SERTAD1: variants seen among roughly 807,000 people sequenced by gnomAD.
SERTAD1 encodes the protein SERTA domain containing 1.
SERTAD1 carries 5 observed loss-of-function variants against 11.7 expected under a neutral mutation model. The observed-to-expected ratio is 0.43, with a 90% CI of 0.22 to 0.90. SERTAD1 has a LOEUF of 0.90. Among genes scored for constraint, SERTAD1 ranks in the 40% least tolerant of loss-of-function variants. The probability of loss-of-function intolerance (pLI) is 0.27; values close to 1 mark genes in which losing one functional copy is unlikely to be tolerated. For synonymous variants in SERTAD1, 139 were observed against 141.4 expected (o/e 0.98, Z 0.12); for missense variants, 287 against 313.9 (o/e 0.91, Z 0.65).
In SERTAD1 at chr19:40,422,585, G is replaced by A; in HGVS notation, c.*251C>T. ...TCAGAGAAGGAACAGCCCAAGCTAT[G>A]ACCCCAGGGCCAGGGAATTCAGTCC... is the stretch of plus-strand genomic sequence containing the variant. On this transcript the variant is annotated 3_prime_UTR_variant, in exon 2 of 2. Transcript: ENST00000357949. The A allele has an allele frequency of 2.2e-6, 1 of 451,948 alleles. No homozygotes were observed. Among genetic ancestry groups the A allele is most frequent in the Non-Finnish European group, 3.9e-6 (1 of 256,202 alleles). The allele number at this position is 451,948 out of a possible 1,614,324, so 28.0% of individuals were successfully genotyped here.
rs781504064 is a variant in SERTAD1 at position 40,423,433 on chromosome 19, C to T, written c.114G>A (p.Pro38=). The part of the protein sequence containing the change: ...PGHTAVAQAP[P]AVASSSLFDL... Reference sequence around the variant, plus strand: ...CAAAGAGGGAGCTAGAGGCCACGGCCGGGGGTGCCTGTGCCACCGCTGTGT... The same window carrying T: ...CAAAGAGGGAGCTAGAGGCCACGGCTGGGGGTGCCTGTGCCACCGCTGTGT... Residue 38 remains proline (P), a synonymous_variant, in exon 2 of 2, where the codon CCG becomes CCA. Coordinates refer to ENST00000357949, the MANE Select transcript of SERTAD1 (RefSeq NM_013376.4). 1.1e-5 allele frequency: 18 copies of T among 1,613,132 alleles called. No individual in the cohort carries two copies. Among genetic ancestry groups the T allele is most frequent in the East Asian group, 6.7e-5 (3 of 44,886 alleles).
rs2145757319 is a variant in SERTAD1 at position 40,423,427 on chromosome 19, C to T, written c.120G>A (p.Val40=). ...AGAGGTCAAAGAGGGAGCTAGAGGCCACGGCCGGGGGTGCCTGTGCCACCG... is the reference window on the plus strand; with the variant it reads ...AGAGGTCAAAGAGGGAGCTAGAGGCTACGGCCGGGGGTGCCTGTGCCACCG... ...HTAVAQAPPA[V]ASSSLFDLSV... The change falls in exon 2 of 2, where the codon GTG becomes GTA. Residue 40 remains valine, a synonymous_variant. Transcript: ENST00000357949. 6.2e-7 allele frequency: 1 copy of T among 1,613,260 alleles called. No individual in the cohort carries two copies. Among genetic ancestry groups the T allele is most frequent in the Non-Finnish European group, 8.5e-7 (1 of 1,180,042 alleles).
chr19:40,422,910 C>A lies in SERTAD1; in HGVS notation c.637G>T (p.Ala213Ser). The change falls in exon 2 of 2, where the codon GCC becomes TCC. Residue 213 changes from alanine to serine, a missense_variant. By Grantham distance (99) the Ala-to-Ser change is moderately conservative. Transcript: ENST00000357949. The part of the protein sequence containing the change: ...GKEEAPELDE[A>S]ELDYLMDVLV... ...ACATCCATGAGGTAGTCCAATTCGG[C>A]CTCGTCCAGCTCCGGAGCTTCCTCC... 6.2e-7 allele frequency: 1 copy of A among 1,613,216 alleles called. No individual in the cohort carries two copies. The highest frequency in any genetic ancestry group is 1.1e-5 in the South Asian group (1 of 90,822).
At position 40,423,558 on chromosome 19, in the gene SERTAD1, AG is replaced by A; in HGVS notation, c.1-13del. 6.6e-7 allele frequency: 1 copy of A among 1,507,854 alleles called. No homozygotes were observed. The highest frequency in any genetic ancestry group is 9.1e-7 in the Non-Finnish European group (1 of 1,102,594). 93.4% of individuals were successfully genotyped at this position (1,507,854 alleles called of 1,614,324 possible). On this transcript the variant is annotated splice_polypyrimidine_tract_variant and intron_variant, in intron 1 of 1. Coordinates refer to ENST00000357949, the MANE Select transcript of SERTAD1 (RefSeq NM_013376.4). ...CCCTTGCTCAGCATCTGCAGAGGGCAGGGAGTTATGGAGTTATAGTCAGTTA... is the reference window on the plus strand; with the variant it reads ...CCCTTGCTCAGCATCTGCAGAGGGCAGGAGTTATGGAGTTATAGTCAGTTA...
rs562618721 is a variant in SERTAD1, at chr19:40,422,942, G to A, written c.605C>T (p.Pro202Leu). ...CAGCTCCGGAGCTTCCTCCTTGCCC[G>A]GCCCATCCTCAGGGCCTGGTTTGAG... is the stretch of plus-strand genomic sequence containing the variant. ...EGLKPGPEDG[P>L]GKEEAPELDE... is the part of the protein sequence containing the mutation. Residue 202 changes from proline (P) to leucine (L), a missense_variant, in exon 2 of 2, where the codon CCG becomes CTG. Pro to Leu is a moderately conservative substitution (Grantham distance 98). Coordinates refer to ENST00000357949, the MANE Select transcript of SERTAD1 (RefSeq NM_013376.4). The A allele has an allele frequency of 1.7e-5, 27 of 1,609,122 alleles. No individual in the cohort carries two copies. Among genetic ancestry groups the A allele is most frequent in the South Asian group, 3.3e-5 (3 of 90,082 alleles).
rs898835040 is a variant in SERTAD1, at chr19:40,422,702, A to G, written c.*134T>C. On this transcript the variant is annotated 3_prime_UTR_variant, in exon 2 of 2. Coordinates refer to ENST00000357949, the MANE Select transcript of SERTAD1 (RefSeq NM_013376.4). ...GAGGACGGATGTGAAGTTGCCCAGG[A>G]CTAGATTCTGTCTCTCCAAAGTGGC... 8 of 981,510 alleles carry G rather than the reference A, an allele frequency of 8.2e-6. No homozygotes were observed. The highest frequency in any genetic ancestry group is 6.0e-5 in the Admixed American group (2 of 33,504). The allele number at this position is 981,510 out of a possible 1,614,324, so 60.8% of individuals were successfully genotyped here. A position where few individuals can be genotyped will look rare whatever the true frequency, so the allele number is the denominator to read the frequency against.
intron 1 of SERTAD1, among the ~76,000 whole-genome samples, chr19:40,425,122 AT>A (rs973427258): frequency 2.2e-4 from 34 of 152,068 alleles, no homozygotes; most frequent in African/African-American, 8.0e-4. Flanking sequence ...GTCAGGACTT[AT>A]TTGGGAGGCA....
intron 1 of SERTAD1, among the ~76,000 whole-genome samples, chr19:40,425,352 C>A (rs1212803618): frequency 1.3e-5 from 2 of 152,238 alleles, no homozygotes; most frequent in African/African-American, 4.8e-5. Context: ...AAAACAGGGT[C>A]TTCGTCCCCT....
In SERTAD1 at chr19:40,423,295, C is replaced by T. The variant is rs2079605126; in HGVS notation, c.252G>A (p.Ala84=). ...GGCTAGGCACAGGTGGCAGGGCAGC[C>T]GCGGGTGCCATGGACGCCTGGATGC... ...LRRIQASMAP[A]AALPPVPSPP... is the part of the protein sequence containing the mutation. The change falls in exon 2 of 2, where the codon GCG becomes GCA. Residue 84 remains alanine (A), a synonymous_variant. Coordinates refer to ENST00000357949, the MANE Select transcript of SERTAD1 (RefSeq NM_013376.4). 21 of 1,608,392 alleles carry T rather than the reference C, an allele frequency of 1.3e-5. No homozygotes were observed. Among genetic ancestry groups the T allele is most frequent in the Middle Eastern group, 1.7e-4 (1 of 6,016 alleles).
In SERTAD1 at chr19:40,422,938, G is replaced by T; in HGVS notation, c.609C>A (p.Gly203=). ...GLKPGPEDGP[G]KEEAPELDEA... ...CGTCCAGCTCCGGAGCTTCCTCCTT[G>T]CCCGGCCCATCCTCAGGGCCTGGTT... The change falls in exon 2 of 2, where the codon GGC becomes GGA. Residue 203 remains glycine (G), a synonymous_variant. Transcript: ENST00000357949. The T allele has an allele frequency of 6.2e-7, 1 of 1,610,092 alleles. No individual in the cohort carries two copies. Among genetic ancestry groups the T allele is most frequent in the Non-Finnish European group, 8.5e-7 (1 of 1,178,164 alleles).
chr19:40,424,150 A>G (rs2079608477), intron 1 of SERTAD1, among the ~76,000 whole-genome samples: 2 of 151,738 alleles, frequency 1.3e-5, no homozygotes. Context: ...GCCTGAAGCG[A>G]TCCTCCCCCC....
Position 40,425,939 on chromosome 19 carries a change from T to C in SERTAD1, c.-73A>G, listed in dbSNP as rs2145758747. 1 of 152,410 alleles carries C rather than the reference T, an allele frequency of 6.6e-6. No individual in the cohort carries two copies. Among genetic ancestry groups the C allele is most frequent in the South Asian group, 2.1e-4 (1 of 4,826 alleles). The allele number at this position is 152,410 out of a possible 1,614,324, so 9.4% of individuals were successfully genotyped here. On this transcript the variant is annotated 5_prime_UTR_variant, in exon 1 of 2. It removes an upstream start codon present in the reference 5' UTR. Transcript: ENST00000357949. ...CAATCAGGAAACGGCGGCGGCAGCATCGCTTGTTGGCTGTCCTCCGGAAAC... is the reference window on the plus strand; with the variant it reads ...CAATCAGGAAACGGCGGCGGCAGCACCGCTTGTTGGCTGTCCTCCGGAAAC...
chr19:40,423,477 A>G lies in SERTAD1; in HGVS notation c.70T>C (p.Trp24Arg). ...EEKEPLAVDS[W>R]WLDPGHTAVA... Reference sequence around the variant, plus strand: ...GCTGTGTGGCCAGGATCTAGCCACCAGGAGTCGACTGCCAGAGGTTCCTTC... The same window carrying G: ...GCTGTGTGGCCAGGATCTAGCCACCGGGAGTCGACTGCCAGAGGTTCCTTC... The change falls in exon 2 of 2, where the codon TGG (tryptophan) becomes CGG (arginine). Residue 24 changes from tryptophan (W) to arginine (R), a missense_variant. Physicochemically the swap from Trp to Arg is moderately radical, Grantham distance 101 (BLOSUM62 -3). Coordinates refer to ENST00000357949, the MANE Select transcript of SERTAD1 (RefSeq NM_013376.4). 1 of 1,612,968 alleles carries G rather than the reference A, an allele frequency of 6.2e-7. No homozygotes were observed. The highest frequency in any genetic ancestry group is 8.5e-7 in the Non-Finnish European group (1 of 1,179,984).
chr19:40,422,674 C>T lies in SERTAD1; in HGVS notation c.*162G>A. The stretch of plus-strand genomic sequence containing the variant: ...CAGGCTCCCCCTGCCAGCCCTGAGA[C>T]AGGAGGACGGATGTGAAGTTGCCCA... On this transcript the variant is annotated 3_prime_UTR_variant, in exon 2 of 2. Transcript: ENST00000357949. 1 of 729,334 alleles carries T rather than the reference C, an allele frequency of 1.4e-6. No homozygotes were observed. The highest frequency in any genetic ancestry group is 2.2e-6 in the Non-Finnish European group (1 of 464,710). The allele number at this position is 729,334 out of a possible 1,614,324, so 45.2% of individuals were successfully genotyped here. A position where few individuals can be genotyped will look rare whatever the true frequency, so the allele number is the denominator to read the frequency against.
chr19:40,425,959 G>T lies in SERTAD1; in HGVS notation c.-93C>A, dbSNP rs556304694. On this transcript the variant is annotated 5_prime_UTR_variant, in exon 1 of 2. Coordinates refer to ENST00000357949, the MANE Select transcript of SERTAD1 (RefSeq NM_013376.4). ...CAGCATCGCTTGTTGGCTGTCCTCC[G>T]GAAACCCGCGCCTGGGTCGCGAGAC... 2 of 152,354 alleles carry T rather than the reference G, an allele frequency of 1.3e-5. No individual in the cohort carries two copies. The highest frequency in any genetic ancestry group is 4.1e-4 in the South Asian group (2 of 4,830). The allele number at this position is 152,354 out of a possible 1,614,324, so 9.4% of individuals were successfully genotyped here. A position where few individuals can be genotyped will look rare whatever the true frequency, so the allele number is the denominator to read the frequency against.
Position 40,423,324 on chromosome 19 carries a change from G to A in SERTAD1, c.223C>T (p.Arg75Trp), listed in dbSNP as rs1412170829. 4 of 1,611,408 alleles carry A rather than the reference G, an allele frequency of 2.5e-6. No homozygotes were observed. The South Asian group carries it at 3.3e-5, about 13-fold the overall frequency. Residue 75 changes from arginine to tryptophan, a missense_variant, in exon 2 of 2, where the codon CGG becomes TGG. Physicochemically the swap from Arg to Trp is moderately radical, Grantham distance 101. Transcript: ENST00000357949. ...GGTGCCATGGACGCCTGGATGCGCC[G>A]CAGAGTGTTCACGACCAGCACCAGG... ...RHLVLVVNTL[R>W]RIQASMAPAA...
In SERTAD1 at chr19:40,422,865, G is replaced by T. The variant is rs375132769; in HGVS notation, c.682C>A (p.Leu228Met). The T allele has an allele frequency of 6.2e-7, 1 of 1,610,118 alleles. No homozygotes were observed. Among genetic ancestry groups the T allele is most frequent in the African/African-American group, 1.3e-5 (1 of 74,868 alleles). ...CGCCCTGGCCCCGGCGGTCGCTCCA[G>T]TGCCTGTGTGCCCACCAGCACATCC... ...LMDVLVGTQA[L>M]ERPPGPGR Residue 228 changes from leucine to methionine, a missense_variant, in exon 2 of 2, where the codon CTG becomes ATG. Coordinates refer to ENST00000357949, the MANE Select transcript of SERTAD1 (RefSeq NM_013376.4).
chr19:40,423,749 T>C (rs2079607130), intron 1 of SERTAD1, among the ~76,000 whole-genome samples: 1 of 152,132 alleles, frequency 6.6e-6, no homozygotes, highest in Non-Finnish European at 1.5e-5. Context: ...TTTTTTGAGA[T>C]GGAGTCTCGC....
In SERTAD1 at chr19:40,425,468, G is replaced by A. The variant is rs1209576324; in HGVS notation, c.-1+399C>T. Among the ~76,000 whole-genome samples, 5 of 152,132 alleles carry A rather than the reference G, an allele frequency of 3.3e-5. No homozygotes were observed. In the East Asian group the frequency reaches 7.7e-4, roughly 24 times the overall value. On this transcript the variant is annotated intron_variant, in intron 1 of 1. Transcript: ENST00000357949. Reference sequence around the variant, plus strand: ...GCGGTGCCCAGGCCGGCTTTCCCCCGGGGATTCTGGCCCCTCTGACCCCAG... The same window carrying A: ...GCGGTGCCCAGGCCGGCTTTCCCCCAGGGATTCTGGCCCCTCTGACCCCAG...
Sources: gnomAD v4.1 joint callset for allele counts (sites outside exome capture counted in the v4.1 genomes callset) on GRCh38, gnomAD v4.1.1 for gene constraint, MANE v1.5 for transcripts, NCBI Gene and HGNC (gene_info 2026-07-23, HGNC 2026-07-21) for gene names.